The following CSMD2 variants were observed in gnomAD, a reference collection of about 807,000 sequenced individuals.
CSMD2 encodes the protein CUB and Sushi multiple domains 2.
Under a neutral mutation model 398.5 loss-of-function variants are expected in CSMD2, and 130 were observed. The observed-to-expected ratio is 0.33, with a 90% confidence interval of 0.28 to 0.38. The LOEUF (loss-of-function observed/expected upper bound fraction) is 0.38, where lower values mean the gene tolerates loss of function less well. CSMD2 is among the 10% of genes least tolerant of loss of function. The pLI, the probability that CSMD2 is intolerant of heterozygous loss-of-function variation, is 1.00. For missense variants in CSMD2, 3,829 were observed against 4,764.9 expected, an observed-to-expected ratio of 0.80 and a Z score of 5.78; for synonymous variants, 1,828 against 1,908.5, an observed-to-expected ratio of 0.96 and a Z score of 1.10.
intron 44 of CSMD2, 142 bp downstream of exon 44, chr1:33,600,723 A>G (rs758704176): frequency 1.3e-6 from 1 of 785,898 alleles, no homozygotes; most frequent in East Asian, 2.6e-5. Context: ...TTTAATTCTC[A>G]TAACTCTGAA....
At chr1:33,540,272 A>T (rs1656205146) in intron 60 of CSMD2, among the ~76,000 whole-genome samples, 1 of 150,488 alleles carries the variant, frequency 6.6e-6, no homozygotes, top group Non-Finnish European at 1.5e-5. Context: ...GTAAAAAAAA[A>T]AACACCCCCA....
intron 1 of CSMD2, among the ~76,000 whole-genome samples, chr1:34,156,451 C>T (rs945594026): frequency 6.6e-6 from 1 of 152,206 alleles, no homozygotes; most frequent in African/African-American, 2.4e-5. Flanking sequence ...ATACTTGTAT[C>T]TCAAATTTCA....
At chr1:33,681,146 A>T in intron 25 of CSMD2, among the ~76,000 whole-genome samples, 1 of 149,486 alleles carries the variant, frequency 6.7e-6, no homozygotes, top group Admixed American at 6.7e-5. Flanking sequence ...CTGGTCTCGA[A>T]CTCCTGGCCT....
intron 5 of CSMD2, chr1:33,878,485 T>G (rs1641002382): frequency 6.6e-6 from 1 of 152,386 alleles, no homozygotes; most frequent in East Asian, 1.9e-4. Context: ...GGAGAAGGAC[T>G]GAGCAAAGTC....
chr1:33,643,929 GGAA>G (rs1643265153), intron 29 of CSMD2, among the ~76,000 whole-genome samples: 2 of 144,190 alleles, frequency 1.4e-5, no homozygotes, highest in South Asian at 2.3e-4. Flanking sequence ...AAGGAAGGAA[GGAA>G]GGAACAAATG....
At chr1:33,767,984 A>G (rs1650734236) in intron 13 of CSMD2, among the ~76,000 whole-genome samples, 1 of 152,180 alleles carries the variant, frequency 6.6e-6, no homozygotes, top group Non-Finnish European at 1.5e-5. Flanking sequence ...CCAGCCTATT[A>G]TTTAGTGGTT....
At chr1:33,968,656 C>G (rs1645645570) in intron 3 of CSMD2, among the ~76,000 whole-genome samples, 1 of 152,170 alleles carries the variant, frequency 6.6e-6, no homozygotes, top group Non-Finnish European at 1.5e-5. Context: ...CCTGAATGAG[C>G]TTGGAATTGA....
At chr1:34,165,798 T>C, upstream of CSMD2, 1 of 1,613,722 alleles carries the variant, frequency 6.2e-7, no homozygotes, top group Non-Finnish European at 8.5e-7. Context: ...CCGGGGGCGA[T>C]GCTTATGAGC....
chr1:33,736,644 T>G (rs1407003955), intron 15 of CSMD2, among the ~76,000 whole-genome samples: 1 of 152,194 alleles, frequency 6.6e-6, no homozygotes, highest in East Asian at 1.9e-4. Context: ...GTGCAGTTAC[T>G]AATTCCTGAG....
chr1:33,782,717 T>C (rs1272202129), intron 12 of CSMD2, among the ~76,000 whole-genome samples: 1 of 152,256 alleles, frequency 6.6e-6, no homozygotes, highest in Non-Finnish European at 1.5e-5. Context: ...TCTGAGCATG[T>C]GTCCTGTGCC....
chr1:33,714,772 T>C lies in CSMD2; in HGVS notation c.3221A>G (p.Tyr1074Cys). The change falls in exon 21 of 71, where the codon TAC becomes TGC. Residue 1074 changes from tyrosine to cysteine, a missense_variant. Coordinates refer to ENST00000373381, the MANE Select transcript of CSMD2 (RefSeq NM_001281956.2). ...GGGCTCCTCACAGGGCTCCAAGTCG[T>C]ACTCTGGAAAGGTAGCAGGAGATCC... The part of the protein sequence containing the change: ...YEGFNITFSE[Y>C]DLEPCEEPEV... 5 of 1,613,832 alleles carry C rather than the reference T, an allele frequency of 3.1e-6. No individual in the cohort carries two copies. The East Asian group carries it at 1.1e-4, about 36-fold the overall frequency.
rs142836320 is a variant in CSMD2 at position 33,824,737 on chromosome 1, C to T, written c.1111+960G>A. Among the ~76,000 whole-genome samples the T allele has an allele frequency of 1.3e-4, 19 of 151,634 alleles. No homozygotes were observed. In the South Asian group the frequency reaches 1.3e-3, roughly 10 times the overall value. On this transcript the variant is annotated intron_variant, in intron 7 of 70. Coordinates refer to ENST00000373381, the MANE Select transcript of CSMD2 (RefSeq NM_001281956.2). Reference sequence around the variant, plus strand: ...GGAAGACAAGCAGGGAGAGAAGAGGCGGGAGCAGAAGGATGAGAAGAACGA... The same window carrying T: ...GGAAGACAAGCAGGGAGAGAAGAGGTGGGAGCAGAAGGATGAGAAGAACGA...
At chr1:33,840,740 G>A (rs897450773) in intron 6 of CSMD2, among the ~76,000 whole-genome samples, 13 of 152,130 alleles carry the variant, frequency 8.5e-5, no homozygotes, top group Middle Eastern at 3.2e-3. Context: ...CTGAACTCAC[G>A]AGCTCAGTTT....
chr1:33,790,042 T>C (rs1363952650), intron 11 of CSMD2, among the ~76,000 whole-genome samples: 1 of 152,146 alleles, frequency 6.6e-6, no homozygotes, highest in East Asian at 1.9e-4. Context: ...TATTCTAAGG[T>C]TCTCTCTATG....
intron 3 of CSMD2, among the ~76,000 whole-genome samples, chr1:33,956,902 C>T (rs1245052795): frequency 6.6e-6 from 1 of 152,092 alleles, no homozygotes; most frequent in Non-Finnish European, 1.5e-5. Flanking sequence ...ATAAGAATCA[C>T]CCTCCTGTCC....
At position 33,716,911 on chromosome 1, in the gene CSMD2, C is replaced by T. The variant is rs114175403; in HGVS notation, c.3002-410G>A. Among the ~76,000 whole-genome samples, 418 of 152,180 alleles carry T rather than the reference C, an allele frequency of 2.7e-3. 3 individuals carry two copies. The highest frequency in any genetic ancestry group is 4.4e-3 in the Non-Finnish European group (302 of 68,010). On this transcript the variant is annotated intron_variant, in intron 19 of 70. Coordinates refer to ENST00000373381, the MANE Select transcript of CSMD2 (RefSeq NM_001281956.2). Reference sequence around the variant, plus strand: ...GCAAGAGGATATACCAGACATTAAACGAATAGCTGCAATACAGAGTGCTGA... The same window carrying T: ...GCAAGAGGATATACCAGACATTAAATGAATAGCTGCAATACAGAGTGCTGA...
At chr1:33,965,383 C>T (rs917423138) in intron 3 of CSMD2, among the ~76,000 whole-genome samples, 5 of 152,168 alleles carry the variant, frequency 3.3e-5, no homozygotes, top group Non-Finnish European at 5.9e-5. Context: ...GCATGCCACA[C>T]TTAGTGCCAT....
intron 3 of CSMD2, among the ~76,000 whole-genome samples, chr1:34,004,511 T>C (rs552067651): frequency 3.3e-5 from 5 of 152,332 alleles, no homozygotes; most frequent in Admixed American, 3.3e-4. Context: ...TTTGTACATA[T>C]ACTATATTTT....
At chr1:34,121,363 G>A (rs186442688) in intron 1 of CSMD2, among the ~76,000 whole-genome samples, 10 of 152,280 alleles carry the variant, frequency 6.6e-5, no homozygotes, top group African/African-American at 1.9e-4. Flanking sequence ...TCCCTGTCCC[G>A]GGTCTCTTCT....
Sources: gnomAD v4.1 joint callset for allele counts (sites outside exome capture counted in the v4.1 genomes callset) on GRCh38, gnomAD v4.1.1 for gene constraint, MANE v1.5 for transcripts, NCBI Gene and HGNC (gene_info 2026-07-23, HGNC 2026-07-21) for gene names.